ZHX2: variants seen among roughly 807,000 people sequenced by gnomAD.
ZHX2 encodes zinc fingers and homeoboxes protein 2.
Under a neutral mutation model 21.9 loss-of-function variants are expected in ZHX2, and 6 were observed. The ratio of observed to expected loss-of-function variants is 0.27; its 90% CI spans 0.15 to 0.54. The LOEUF (loss-of-function observed/expected upper bound fraction) is 0.54, where lower values mean the gene tolerates loss of function less well. Among genes scored for constraint, ZHX2 ranks in the 20% least tolerant of loss-of-function variants. ZHX2 has a pLI of 0.95. For missense variants in ZHX2, 908 were observed against 1,090.7 expected, an observed-to-expected ratio of 0.83 and a Z score of 2.36; for synonymous variants, 434 against 437.1, an observed-to-expected ratio of 0.99 and a Z score of 0.09.
intron 3 of ZHX2, among the ~76,000 whole-genome samples, chr8:122,969,629 T>C (rs1813670416): frequency 6.6e-6 from 1 of 151,832 alleles, no homozygotes; most frequent in African/African-American, 2.4e-5. Flanking sequence ...AACTGACAGG[T>C]TTGTCCGTAT....
In ZHX2 at chr8:122,861,060, C is replaced by T. The variant is rs562788458; in HGVS notation, c.-282-2417C>T. On this transcript the variant is annotated intron_variant, in intron 1 of 3. Coordinates refer to ENST00000314393, the MANE Select transcript of ZHX2 (RefSeq NM_014943.5). The stretch of plus-strand genomic sequence containing the variant: ...CAAAAAAAAAAAAAAAAAAAAAAAG[C>T]ACTATCAGAGAGGAGTGGTCTAACA... Among the ~76,000 whole-genome samples, 70 of 138,086 alleles carry T rather than the reference C, an allele frequency of 5.1e-4. 1 individual carries two copies. The highest frequency in any genetic ancestry group is 1.9e-3 in the African/African-American group (69 of 36,774). 90.6% of individuals were successfully genotyped at this position (138,086 alleles called of 152,430 possible).
In ZHX2 at chr8:122,816,697, T is replaced by C. The variant is rs533804072; in HGVS notation, c.-283+34751T>C. On this transcript the variant is annotated intron_variant, in intron 1 of 3. Transcript: ENST00000314393. ...GGGCTTACAAAAGTCATATGCAGCCTTTACAAATATTAGCTCAGTCATTTT... is the reference window on the plus strand; with the variant it reads ...GGGCTTACAAAAGTCATATGCAGCCCTTACAAATATTAGCTCAGTCATTTT... 1.2e-4 allele frequency among the ~76,000 whole-genome samples: 19 copies of C among 152,170 alleles called. No homozygotes were observed. In the East Asian group the frequency reaches 3.3e-3, roughly 26 times the overall value.
chr8:122,836,258 A>T (rs1022856924), intron 1 of ZHX2, among the ~76,000 whole-genome samples: 1 of 151,886 alleles, frequency 6.6e-6, no homozygotes, highest in Non-Finnish European at 1.5e-5. Context: ...AAGAGAGGCC[A>T]TGTGGATTTT....
intron 2 of ZHX2, among the ~76,000 whole-genome samples, chr8:122,879,672 T>C (rs534245757): frequency 5.1e-4 from 77 of 152,266 alleles, no homozygotes; most frequent in African/African-American, 1.7e-3. Context: ...AAGGCAGATG[T>C]TACCCCAGCC....
intron 2 of ZHX2, among the ~76,000 whole-genome samples, chr8:122,882,068 C>G (rs1348596868): frequency 1.3e-5 from 2 of 152,150 alleles, no homozygotes; most frequent in Non-Finnish European, 2.9e-5. Flanking sequence ...AAGAGGGCTG[C>G]TTTAAGTATA....
intron 1 of ZHX2, among the ~76,000 whole-genome samples, chr8:122,801,769 A>G (rs139506852): frequency 3.3e-5 from 5 of 152,220 alleles, no homozygotes; most frequent in Admixed American, 2.0e-4. Flanking sequence ...AAAAGAGATT[A>G]AAGAGGCAGA....
intron 2 of ZHX2, among the ~76,000 whole-genome samples, chr8:122,941,068 TAAAAA>T (rs11375328): frequency 7.5e-6 from 1 of 133,576 alleles, no homozygotes; most frequent in Admixed American, 7.5e-5. Context: ...CTATCTCTAT[TAAAAA>T]AAAAAAAAAA....
In ZHX2 at chr8:122,951,876, C is replaced by T. The variant is rs139940405; in HGVS notation, c.366C>T (p.Tyr122=). The T allele has an allele frequency of 9.3e-5, 150 of 1,614,078 alleles. No homozygotes were observed. The African/African-American group carries it at 1.6e-3, about 18-fold the overall frequency. ...AATGTAACTTCACAACCAAAAAGTACGACTCCCTATCCGACCACAACTCCA... is the reference window on the plus strand; with the variant it reads ...AATGTAACTTCACAACCAAAAAGTATGACTCCCTATCCGACCACAACTCCA... ...CAECNFTTKK[Y]DSLSDHNSKF... The change falls in exon 3 of 4, where the codon TAC becomes TAT. Residue 122 remains tyrosine (Y), a synonymous_variant. Coordinates refer to ENST00000314393, the MANE Select transcript of ZHX2 (RefSeq NM_014943.5).
intron 2 of ZHX2, among the ~76,000 whole-genome samples, chr8:122,894,649 G>C (rs1171456356): frequency 6.6e-6 from 1 of 152,072 alleles, no homozygotes; most frequent in African/African-American, 2.4e-5. Context: ...CCTGTTATGG[G>C]GTGCGGGGAG....
intron 1 of ZHX2, among the ~76,000 whole-genome samples, chr8:122,786,043 C>T (rs139321465): frequency 3.3e-5 from 5 of 152,290 alleles, no homozygotes; most frequent in African/African-American, 1.2e-4. Flanking sequence ...AAAGAGAAGA[C>T]CATGTACAAT....
At chr8:122,924,830 T>C (rs1401179114) in intron 2 of ZHX2, among the ~76,000 whole-genome samples, 1 of 152,194 alleles carries the variant, frequency 6.6e-6, no homozygotes, top group Non-Finnish European at 1.5e-5. Context: ...GATCTTTAAG[T>C]GGCCAGGTAT....
intron 1 of ZHX2, among the ~76,000 whole-genome samples, chr8:122,803,326 G>A (rs759374702): frequency 3.4e-4 from 51 of 152,160 alleles, no homozygotes; most frequent in Non-Finnish European, 5.0e-4. Context: ...GCCACTCCCC[G>A]TTGCTCCTCC....
At chr8:122,911,955 G>A (rs1267349339) in intron 2 of ZHX2, among the ~76,000 whole-genome samples, 1 of 152,134 alleles carries the variant, frequency 6.6e-6, no homozygotes, top group Non-Finnish European at 1.5e-5. Flanking sequence ...AGGCCTGGAG[G>A]GGACACACGC....
intron 1 of ZHX2, among the ~76,000 whole-genome samples, chr8:122,837,983 G>C (rs562045311): frequency 1.1e-4 from 16 of 152,352 alleles, no homozygotes; most frequent in African/African-American, 3.8e-4. Context: ...GGAAGACAGA[G>C]GCCACCCGCT....
At chr8:122,968,378 C>T (rs1202867253) in intron 3 of ZHX2, among the ~76,000 whole-genome samples, 1 of 152,152 alleles carries the variant, frequency 6.6e-6, no homozygotes, top group Non-Finnish European at 1.5e-5. Flanking sequence ...CCAAAACTGA[C>T]TCAAGCCTGG....
chr8:122,917,277 A>G (rs1451679276), intron 2 of ZHX2, among the ~76,000 whole-genome samples: 1 of 152,026 alleles, frequency 6.6e-6, no homozygotes, highest in Non-Finnish European at 1.5e-5. Context: ...AAAGGCACCG[A>G]GAAACCATTT....
Position 122,899,776 on chromosome 8 carries a change from T to G in ZHX2, c.-220+36237T>G, listed in dbSNP as rs1315367290. ...GTAGGAAACAACTAATACAGAGAGG[T>G]TTCACCTGAGGTGGAAATTATGCAG... On this transcript the variant is annotated intron_variant, in intron 2 of 3. Transcript: ENST00000314393. 2.6e-5 allele frequency among the ~76,000 whole-genome samples: 4 copies of G among 152,094 alleles called. No individual in the cohort carries two copies. The South Asian group carries it at 8.3e-4, about 32-fold the overall frequency.
intron 3 of ZHX2, among the ~76,000 whole-genome samples, chr8:122,956,819 T>C (rs1222836257): frequency 2.0e-5 from 3 of 152,134 alleles, no homozygotes; most frequent in African/African-American, 7.2e-5. Context: ...TCCCCATGGC[T>C]GAGTGGGAGG....
At chr8:122,809,598 C>T (rs1817885874) in intron 1 of ZHX2, among the ~76,000 whole-genome samples, 1 of 152,170 alleles carries the variant, frequency 6.6e-6, no homozygotes, top group East Asian at 1.9e-4. Flanking sequence ...TAATCCCACG[C>T]TGGTATTTAG....
Sources: allele counts gnomAD v4.1 joint callset (sites outside exome capture counted in the v4.1 genomes callset), GRCh38; gene constraint gnomAD v4.1.1; transcripts MANE v1.5; gene names NCBI Gene and HGNC (gene_info 2026-07-23, HGNC 2026-07-21).